Variants in CAST observed in about 807,000 individuals in gnomAD.
CAST encodes MIR583 host.
CAST carries 76 observed loss-of-function variants against 119.6 expected under a neutral mutation model. The ratio of observed to expected loss-of-function variants is 0.64; its 90% CI spans 0.53 to 0.77. The LOEUF (loss-of-function observed/expected upper bound fraction) is 0.77. Ranked by LOEUF, CAST falls within the 30% of genes least tolerant of loss-of-function variation. The pLI, the probability that CAST is intolerant of heterozygous loss-of-function variation, is 0.00. For missense variants in CAST, 953 were observed against 946.5 expected (o/e 1.01, Z -0.09); for synonymous variants, 319 against 331.6 (o/e 0.96, Z 0.41).
intron 9 of CAST, among the ~76,000 whole-genome samples, chr5:96,734,195 A>G (rs1581180503): frequency 2.0e-5 from 3 of 152,224 alleles, no homozygotes; most frequent in African/African-American, 7.2e-5. Flanking sequence ...TGAAGCACAG[A>G]GGAAGTGAAT....
At chr5:96,557,418 T>C (rs900323928) in intron 1 of CAST, among the ~76,000 whole-genome samples, 7 of 151,820 alleles carry the variant, frequency 4.6e-5, no homozygotes, top group African/African-American at 1.7e-4. Context: ...GACTGGCAAA[T>C]TGGATAAATA....
the CAST span, among the ~76,000 whole-genome samples, chr5:96,371,360 C>A: frequency 6.6e-6 from 1 of 152,160 alleles, no homozygotes; most frequent in African/African-American, 2.4e-5. Flanking sequence ...CCTGTGATAG[C>A]CCATGGGGGA....
chr5:96,169,292 T>C, the CAST span, among the ~76,000 whole-genome samples: 1 of 152,108 alleles, frequency 6.6e-6, no homozygotes, highest in Non-Finnish European at 1.5e-5. Context: ...CTGAGCCTGA[T>C]GGGTGTCAGG....
the CAST span, among the ~76,000 whole-genome samples, chr5:96,073,782 T>C: frequency 1.3e-5 from 2 of 152,218 alleles, no homozygotes; most frequent in Admixed American, 6.5e-5. Context: ...CCTTCTGCTG[T>C]GCGACCCTGT....
the CAST span, among the ~76,000 whole-genome samples, chr5:96,226,792 C>T: frequency 6.6e-6 from 1 of 152,302 alleles, no homozygotes; most frequent in Non-Finnish European, 1.5e-5. Flanking sequence ...CCCAACAGCC[C>T]TCTTGGCCGC....
At position 96,742,454 on chromosome 5, in the gene CAST, T is replaced by C; in HGVS notation, c.1099-201T>C. On this transcript the variant is annotated intron_variant, in intron 15 of 31. Transcript: ENST00000675179. The stretch of plus-strand genomic sequence containing the variant: ...AGAACGCTGTTACTGTAGAAACGTG[T>C]CTTAGCCCCAATTTCCACTCATTGG... 4 of 561,722 alleles carry C rather than the reference T, an allele frequency of 7.1e-6. No individual in the cohort carries two copies. In the South Asian group the frequency reaches 8.6e-5, roughly 12 times the overall value. 34.8% of individuals were successfully genotyped at this position (561,722 alleles called of 1,614,324 possible).
At chr5:96,397,535 T>A in the CAST span, 2 of 1,417,734 alleles carry the variant, frequency 1.4e-6, no homozygotes, top group Admixed American at 3.4e-5. Flanking sequence ...CTCTAGCATC[T>A]GATAACTGAA....
chr5:96,276,856 G>A, the CAST span, among the ~76,000 whole-genome samples: 1 of 151,952 alleles, frequency 6.6e-6, no homozygotes, highest in Non-Finnish European at 1.5e-5. Flanking sequence ...TTTTATGAAG[G>A]TTTTCATGCT....
chr5:96,622,995 C>G (rs1403700126), intron 1 of CAST, among the ~76,000 whole-genome samples: 2 of 150,948 alleles, frequency 1.3e-5, no homozygotes, highest in East Asian at 3.9e-4. Flanking sequence ...TCCTGAGTAG[C>G]TGGGACTACA....
At chr5:96,313,622 C>A in the CAST span, among the ~76,000 whole-genome samples, 1 of 152,156 alleles carries the variant, frequency 6.6e-6, no homozygotes, top group African/African-American at 2.4e-5. Context: ...CATCCATATG[C>A]AGGTTTTTAT....
the CAST span, among the ~76,000 whole-genome samples, chr5:96,334,801 G>A: frequency 2.0e-5 from 3 of 152,252 alleles, no homozygotes; most frequent in South Asian, 2.1e-4. Context: ...GATCAGGAGC[G>A]CACAATACAA....
chr5:96,302,241 A>G, the CAST span, among the ~76,000 whole-genome samples: 2 of 152,146 alleles, frequency 1.3e-5, no homozygotes, highest in Non-Finnish European at 1.5e-5. Flanking sequence ...ACAGGGCGCC[A>G]TGTCCTGAGG....
chr5:96,413,890 C>T, the CAST span, among the ~76,000 whole-genome samples: 759 of 136,130 alleles, frequency 5.6e-3, 9 homozygotes, highest in African/African-American at 0.02. Context: ...GAGGCCGAGG[C>T]GGGCGGATCA....
At chr5:96,365,922 T>C in the CAST span, among the ~76,000 whole-genome samples, 1 of 152,236 alleles carries the variant, frequency 6.6e-6, no homozygotes, top group African/African-American at 2.4e-5. Flanking sequence ...CTTCCTACCT[T>C]CGATGGTCTT....
the CAST span, among the ~76,000 whole-genome samples, chr5:96,017,879 A>G: frequency 1.3e-5 from 2 of 152,204 alleles, no homozygotes; most frequent in Non-Finnish European, 1.5e-5. Context: ...GGTTACAAAA[A>G]TTTATATTAA....
At chr5:96,767,883 T>C in intron 28 of CAST, 24 bp from the exon 29 acceptor site, 1 of 1,510,826 alleles carries the variant, frequency 6.6e-7, no homozygotes, top group Non-Finnish European at 9.2e-7. Context: ...TCTTCACTGA[T>C]GGTTATTTCT....
chr5:96,480,738 A>C, the CAST span, among the ~76,000 whole-genome samples: 4 of 152,240 alleles, frequency 2.6e-5, no homozygotes, highest in East Asian at 5.8e-4. Flanking sequence ...AGAAACGAAA[A>C]GAATAAAGTG....
the CAST span, among the ~76,000 whole-genome samples, chr5:96,475,124 C>A: frequency 6.6e-6 from 1 of 152,176 alleles, no homozygotes. Flanking sequence ...TCTCCTCATC[C>A]GTCCCTGCCC....
At chr5:96,284,292 T>C in the CAST span, among the ~76,000 whole-genome samples, 1 of 152,190 alleles carries the variant, frequency 6.6e-6, no homozygotes, top group African/African-American at 2.4e-5. Context: ...GGATCATTAT[T>C]TTATTTCTCA....
Sources: gnomAD v4.1 joint callset for allele counts (sites outside exome capture counted in the v4.1 genomes callset) on GRCh38, gnomAD v4.1.1 for gene constraint, MANE v1.5 for transcripts, NCBI Gene and HGNC (gene_info 2026-07-23, HGNC 2026-07-21) for gene names.